The following SUPT6H variants were observed in gnomAD, a reference collection of about 807,000 sequenced individuals.
SUPT6H encodes transcription elongation factor SPT6.
SUPT6H carries 11 observed loss-of-function variants against 222.3 expected under a neutral mutation model. That is an observed-to-expected ratio of 0.05 (90% CI 0.03 to 0.08). The LOEUF is 0.08. SUPT6H is among the 10% of genes least tolerant of loss of function. The pLI, the probability that SUPT6H is intolerant of heterozygous loss-of-function variation, is 1.00. For synonymous variants in SUPT6H, 762 were observed against 801.2 expected, an observed-to-expected ratio of 0.95 and a Z score of 0.83; for missense variants, 1,422 against 2,216.0, an observed-to-expected ratio of 0.64 and a Z score of 7.19.
intron 32 of SUPT6H, among the ~76,000 whole-genome samples, chr17:28,698,402 C>T (rs1047804879): frequency 6.6e-6 from 1 of 152,228 alleles, no homozygotes; most frequent in African/African-American, 2.4e-5. Context: ...CACAGTGGCT[C>T]ACTGTTGCTG....
intron 1 of SUPT6H, among the ~76,000 whole-genome samples, chr17:28,672,128 TG>T (rs376920780): frequency 6.6e-6 from 1 of 152,364 alleles, no homozygotes; most frequent in African/African-American, 2.4e-5. Flanking sequence ...TTTAATCTAT[TG>T]AAAAGAGATT....
Position 28,687,096 on chromosome 17 carries a change from C to G in SUPT6H, c.2709C>G (p.Phe903Leu), listed in dbSNP as rs1268933220. 1 of 1,613,258 alleles carries G rather than the reference C, an allele frequency of 6.2e-7. No homozygotes were observed. The highest frequency in any genetic ancestry group is 8.5e-7 in the Non-Finnish European group (1 of 1,180,026). ...CCCTCGTTTGACTCTAGGCAGAGTTCCGGGATTATCCTCCAGTGCTGAGAC... is the reference window on the plus strand; with the variant it reads ...CCCTCGTTTGACTCTAGGCAGAGTTGCGGGATTATCCTCCAGTGCTGAGAC... ...YMNSKKSEAE[F>L]RDYPPVLRQA... Residue 903 changes from phenylalanine to leucine, a missense_variant, in exon 22 of 37, where the codon TTC becomes TTG. By Grantham distance (22) the Phe-to-Leu change is conservative. Transcript: ENST00000314616.
chr17:28,697,216 G>T (rs2031967316), intron 30 of SUPT6H, 134 bp downstream of exon 30: 4 of 703,588 alleles, frequency 5.7e-6, no homozygotes, highest in Non-Finnish European at 9.6e-6. Context: ...ACGGGAGGTG[G>T]TTTGCGGAAT....
At chr17:28,683,223 GC>G (rs2031207909) in intron 15 of SUPT6H, 44 bp from the exon 16 acceptor site, 1 of 1,604,988 alleles carries the variant, frequency 6.2e-7, no homozygotes, top group Non-Finnish European at 8.5e-7. Context: ...CTGGGGCCTG[GC>G]CCAGCCCATC....
chr17:28,684,111 C>T (rs191787092), intron 17 of SUPT6H, among the ~76,000 whole-genome samples: 5 of 152,104 alleles, frequency 3.3e-5, no homozygotes, highest in African/African-American at 4.8e-5. Context: ...ATCTGCCCAC[C>T]TTGGCCTCCC....
In SUPT6H at chr17:28,699,201, A is replaced by G. The variant is rs187207516; in HGVS notation, c.4449-580A>G. ...TCTCATTTATCCTCACACCCACCCC[A>G]TAGGCTTCAGTGCTGTGGTCCTCAC... On this transcript the variant is annotated intron_variant, in intron 32 of 36. Coordinates refer to ENST00000314616, the MANE Select transcript of SUPT6H (RefSeq NM_003170.5). Among the ~76,000 whole-genome samples the G allele has an allele frequency of 4.6e-5, 7 of 152,296 alleles. No homozygotes were observed. The East Asian group carries it at 1.3e-3, about 29-fold the overall frequency.
rs780777122 is a variant in SUPT6H at position 28,700,923 on chromosome 17, C to T, written c.4807-18C>T. 2.5e-6 allele frequency: 4 copies of T among 1,597,784 alleles called. No individual in the cohort carries two copies. Among genetic ancestry groups the T allele is most frequent in the Non-Finnish European group, 2.6e-6 (3 of 1,167,674 alleles). On this transcript the variant is annotated intron_variant, in intron 35 of 36. Coordinates refer to ENST00000314616, the MANE Select transcript of SUPT6H (RefSeq NM_003170.5). ...AAGCCCCACACCCATCCCTATTTAA[C>T]TGTTCATGCCTCTCCAGGTATTCCC...
At chr17:28,663,828 A>C (rs376987672) in intron 1 of SUPT6H, among the ~76,000 whole-genome samples, 2 of 38,374 alleles carry the variant, frequency 5.2e-5, no homozygotes, top group African/African-American at 1.9e-4. Flanking sequence ...TGCCCACTCC[A>C]TTTTTTTTTT....
At chr17:28,663,492 A>G (rs1227241987) in intron 1 of SUPT6H, among the ~76,000 whole-genome samples, 1 of 152,150 alleles carries the variant, frequency 6.6e-6, no homozygotes, top group Non-Finnish European at 1.5e-5. Context: ...AAGCCTACCT[A>G]GTGTGGTGGA....
intron 35 of SUPT6H, 33 bp from the exon 36 acceptor site, chr17:28,700,908 C>T: frequency 6.3e-7 from 1 of 1,583,642 alleles, no homozygotes; most frequent in Non-Finnish European, 8.6e-7. Flanking sequence ...AAGCCCCACA[C>T]CCATCCCTAT....
In SUPT6H at chr17:28,673,376, T is replaced by C. The variant is rs2030550151; in HGVS notation, c.-26T>C. On this transcript the variant is annotated 5_prime_UTR_variant, in exon 2 of 37. Transcript: ENST00000314616. ...TCACTCTTTTCTTTCCCTAGTTATC[T>C]TCAGGCAGAGTGAGAAGCTGCAGCA... 3.8e-6 allele frequency: 6 copies of C among 1,575,596 alleles called. No individual in the cohort carries two copies. The highest frequency in any genetic ancestry group is 5.2e-6 in the Non-Finnish European group (6 of 1,145,514).
intron 20 of SUPT6H, 93 bp downstream of exon 20, chr17:28,686,508 T>G: frequency 1.3e-6 from 2 of 1,541,736 alleles, no homozygotes; most frequent in South Asian, 1.2e-5. Context: ...AGATGGGGCT[T>G]GTGCTTGTGC....
At chr17:28,675,213 C>T (rs751432204) in intron 5 of SUPT6H, 51 bp downstream of exon 5, 2 of 1,558,374 alleles carry the variant, frequency 1.3e-6, no homozygotes, top group South Asian at 1.2e-5. Context: ...ATTGGGATTT[C>T]CTGGCCCATG....
At position 28,701,853 on chromosome 17, in the gene SUPT6H, G is replaced by A; in HGVS notation, c.*228G>A. On this transcript the variant is annotated 3_prime_UTR_variant, in exon 37 of 37. Coordinates refer to ENST00000314616, the MANE Select transcript of SUPT6H (RefSeq NM_003170.5). ...CAGACCCTCACCGACCACCTGTCCT[G>A]GGACCAGGCTGGGAGGGGAGTGTGG... 1.9e-6 allele frequency: 1 copy of A among 532,102 alleles called. No individual in the cohort carries two copies. Among genetic ancestry groups the A allele is most frequent in the East Asian group, 2.9e-5 (1 of 34,224 alleles). The allele number at this position is 532,102 out of a possible 1,614,324, so 33.0% of individuals were successfully genotyped here. A position where few individuals can be genotyped will look rare whatever the true frequency, so the allele number is the denominator to read the frequency against.
At position 28,700,163 on chromosome 17, in the gene SUPT6H, C is replaced by A. The variant is rs750370168; in HGVS notation, c.4562-10C>A. The A allele has an allele frequency of 2.3e-5, 37 of 1,614,090 alleles. No individual in the cohort carries two copies. Among genetic ancestry groups the A allele is most frequent in the Non-Finnish European group, 3.0e-5 (35 of 1,180,040 alleles). ...CTGGAGGGATGTAACTAAATAATCA[C>A]TTCCTGCAGGCATCACCCCTAGCAG... On this transcript the variant is annotated splice_polypyrimidine_tract_variant and intron_variant, in intron 33 of 36. Transcript: ENST00000314616.
At chr17:28,664,088 C>T (rs1159508392) in intron 1 of SUPT6H, among the ~76,000 whole-genome samples, 4 of 152,054 alleles carry the variant, frequency 2.6e-5, no homozygotes, top group African/African-American at 9.7e-5. Flanking sequence ...CAATATTCAA[C>T]ATAGTTACTC....
chr17:28,681,296 T>C lies in SUPT6H; in HGVS notation c.1390T>C (p.Tyr464His). The C allele has an allele frequency of 6.2e-7, 1 of 1,614,054 alleles. No individual in the cohort carries two copies. Among genetic ancestry groups the C allele is most frequent in the Non-Finnish European group, 8.5e-7 (1 of 1,180,012 alleles). Residue 464 changes from tyrosine (Y) to histidine (H), a missense_variant, in exon 12 of 37, where the codon TAC becomes CAC. Physicochemically the swap from Tyr to His is moderately conservative, Grantham distance 83. Around this residue, in one of 13 missense-constraint regions of SUPT6H, gnomAD observed 389 missense variants for 544.6 expected, o/e 0.71. Transcript: ENST00000314616. Reference sequence around the variant, plus strand: ...ATCAATGGATGAGCTGAAAGATGTCTACAACCATTTTCTTCTTTATTATGG... The same window carrying C: ...ATCAATGGATGAGCTGAAAGATGTCCACAACCATTTTCTTCTTTATTATGG... ...VQSMDELKDVYNHFLLYYGRD... is the reference protein window; with the variant it reads ...VQSMDELKDVHNHFLLYYGRD...
Position 28,682,975 on chromosome 17 carries a change from C to T in SUPT6H, c.1761C>T (p.Gly587=), listed in dbSNP as rs199895548. 190 of 1,613,134 alleles carry T rather than the reference C, an allele frequency of 1.2e-4. No homozygotes were observed. The East Asian group carries it at 3.9e-3, about 33-fold the overall frequency. ...CTACTCCAGAAGCTGTGCTAGAAGGCGCCCGCTACATGGTAGCCCTGCAGA... is the reference window on the plus strand; with the variant it reads ...CTACTCCAGAAGCTGTGCTAGAAGGTGCCCGCTACATGGTAGCCCTGCAGA... ...QFPTPEAVLE[G]ARYMVALQIA... is the part of the protein sequence containing the mutation. Residue 587 remains glycine (G), a synonymous_variant, in exon 15 of 37, where the codon GGC becomes GGT. Coordinates refer to ENST00000314616, the MANE Select transcript of SUPT6H (RefSeq NM_003170.5).
intron 10 of SUPT6H, 63 bp from the exon 11 acceptor site, chr17:28,678,758 C>G: frequency 6.2e-7 from 1 of 1,612,908 alleles, no homozygotes; most frequent in Non-Finnish European, 8.5e-7. Context: ...TGGTAAGGAT[C>G]AGAGCAGCCT....
Sources: allele counts gnomAD v4.1 joint callset (sites outside exome capture counted in the v4.1 genomes callset), GRCh38; gene constraint gnomAD v4.1.1; regional missense constraint gnomAD v4.1.1; transcripts MANE v1.5; gene names NCBI Gene and HGNC (gene_info 2026-07-23, HGNC 2026-07-21).